CPS1: variants seen among roughly 807,000 people sequenced by gnomAD.
CPS1 encodes the protein carbamoyl-phosphate synthase [ammonia], mitochondrial.
A neutral mutation model predicts 174.6 loss-of-function variants in CPS1; 109 were observed. The observed-to-expected ratio is 0.62, with a 90% CI of 0.53 to 0.73. The LOEUF is 0.73. Among genes scored for constraint, CPS1 ranks in the 30% least tolerant of loss-of-function variants. The pLI, the probability that CPS1 is intolerant of heterozygous loss-of-function variation, is 0.00. For missense variants in CPS1, 1,689 were observed against 1,821.9 expected (o/e 0.93, Z 1.33); for synonymous variants, 637 against 632.0 (o/e 1.01, Z -0.12).
intron 11 of CPS1, chr2:210,593,671 C>T (rs755225564): frequency 1.1e-5 from 11 of 984,888 alleles, no homozygotes; most frequent in Admixed American, 6.2e-5. Flanking sequence ...GAAAAGACTT[C>T]GAGGTAAAAT....
chr2:210,557,859 T>C (rs1281908139), intron 1 of CPS1, among the ~76,000 whole-genome samples: 3 of 152,046 alleles, frequency 2.0e-5, no homozygotes, highest in Non-Finnish European at 4.4e-5. Context: ...ATTGTTTCAG[T>C]TGCTCAAGTC....
intron 1 of CPS1, among the ~76,000 whole-genome samples, chr2:210,527,976 C>T (rs1297334104): frequency 6.6e-6 from 1 of 151,768 alleles, no homozygotes; most frequent in Non-Finnish European, 1.5e-5. Context: ...CATAAGCTTG[C>T]ATTTATTGGT....
At chr2:210,537,878 G>T (rs979648369) in intron 1 of CPS1, among the ~76,000 whole-genome samples, 1 of 152,132 alleles carries the variant, frequency 6.6e-6, no homozygotes, top group East Asian at 1.9e-4. Flanking sequence ...GAACAACACT[G>T]TATTAGATAG....
At chr2:210,623,075 A>C (rs1000926067) in intron 21 of CPS1, among the ~76,000 whole-genome samples, 3 of 152,026 alleles carry the variant, frequency 2.0e-5, no homozygotes, top group Admixed American at 6.6e-5. Context: ...TACCATGTTA[A>C]ATCATCAAAG....
intron 21 of CPS1, among the ~76,000 whole-genome samples, chr2:210,628,969 GT>G (rs1251600942): frequency 6.6e-6 from 1 of 152,106 alleles, no homozygotes; most frequent in Admixed American, 6.5e-5. Flanking sequence ...TGATGGAGAT[GT>G]TTTAAAATAT....
At chr2:210,592,780 G>C in intron 10 of CPS1, 99 bp from the exon 11 acceptor site, 2 of 1,214,016 alleles carry the variant, frequency 1.6e-6, no homozygotes, top group East Asian at 2.3e-5. Flanking sequence ...ATCTAACTCA[G>C]TTTTTAAATT....
intron 18 of CPS1, 135 bp downstream of exon 18, chr2:210,607,076 T>A (rs1698940897): frequency 2.6e-6 from 2 of 757,740 alleles, no homozygotes; most frequent in East Asian, 2.7e-5. Context: ...AAATCATTTA[T>A]AGCACCCTGA....
chr2:210,566,750 C>T (rs1697315441), intron 1 of CPS1, among the ~76,000 whole-genome samples: 1 of 152,020 alleles, frequency 6.6e-6, no homozygotes, highest in Non-Finnish European at 1.5e-5. Flanking sequence ...TTCAATATTA[C>T]CTACATCATT....
At chr2:210,494,124 C>G (rs1422742057) in intron 1 of CPS1, among the ~76,000 whole-genome samples, 1 of 152,150 alleles carries the variant, frequency 6.6e-6, no homozygotes, top group Non-Finnish European at 1.5e-5. Context: ...GCATCTGCTG[C>G]TATCATGCAG....
At chr2:210,491,415 G>A (rs773943185) in intron 1 of CPS1, among the ~76,000 whole-genome samples, 2 of 137,896 alleles carry the variant, frequency 1.5e-5, no homozygotes, top group Non-Finnish European at 1.5e-5. Context: ...CCCGGTTCAA[G>A]TGATTCTCCT....
chr2:210,560,015 G>A (rs1697046958), intron 1 of CPS1, among the ~76,000 whole-genome samples: 1 of 152,076 alleles, frequency 6.6e-6, no homozygotes, highest in Non-Finnish European at 1.5e-5. Flanking sequence ...TGGACTACAA[G>A]TTGTTGCAAT....
chr2:210,594,738 T>C, intron 12 of CPS1, 132 bp downstream of exon 12: 1 of 693,856 alleles, frequency 1.4e-6, no homozygotes, highest in Admixed American at 2.2e-5. Context: ...TAATAGACTG[T>C]CATTTTGTAA....
intron 34 of CPS1, among the ~76,000 whole-genome samples, chr2:210,670,994 AGGT>A (rs1701282903): frequency 6.6e-6 from 1 of 152,208 alleles, no homozygotes; most frequent in Non-Finnish European, 1.5e-5. Context: ...GGCATAACAC[AGGT>A]TTATATGGCA....
At chr2:210,631,645 G>A (rs551470601) in intron 21 of CPS1, among the ~76,000 whole-genome samples, 12 of 152,296 alleles carry the variant, frequency 7.9e-5, no homozygotes, top group Admixed American at 5.9e-4. Context: ...GAAAAGGCCA[G>A]CATCACAGCC....
At chr2:210,615,085 T>C (rs1361715212) in intron 20 of CPS1, among the ~76,000 whole-genome samples, 1 of 151,914 alleles carries the variant, frequency 6.6e-6, no homozygotes, top group Admixed American at 6.6e-5. Flanking sequence ...CTTTCCTTCC[T>C]TCCAGTGAAA....
At chr2:210,515,754 T>A (rs1260374496) in intron 1 of CPS1, among the ~76,000 whole-genome samples, 1 of 151,914 alleles carries the variant, frequency 6.6e-6, no homozygotes, top group Non-Finnish European at 1.5e-5. Flanking sequence ...GGGGTTAGTT[T>A]ATTTACCTTT....
intron 29 of CPS1, among the ~76,000 whole-genome samples, chr2:210,654,686 C>G (rs1700655321): frequency 6.6e-6 from 1 of 152,144 alleles, no homozygotes; most frequent in Admixed American, 6.5e-5. Flanking sequence ...ATTAATAATG[C>G]ATTTGTGACT....
At chr2:210,502,355 A>G (rs914797081) in intron 1 of CPS1, among the ~76,000 whole-genome samples, 4 of 116,912 alleles carry the variant, frequency 3.4e-5, no homozygotes, top group African/African-American at 1.1e-4. Flanking sequence ...GGAAAAAATA[A>G]TCTCTCTCTC....
At chr2:210,511,307 T>C (rs1042658742) in intron 1 of CPS1, among the ~76,000 whole-genome samples, 10 of 151,910 alleles carry the variant, frequency 6.6e-5, no homozygotes, top group Admixed American at 1.3e-4. Flanking sequence ...CGCATGTTCT[T>C]ACTCATAGGT....
Sources: allele counts gnomAD v4.1 joint callset (sites outside exome capture counted in the v4.1 genomes callset), GRCh38; gene constraint gnomAD v4.1.1; transcripts MANE v1.5; gene names NCBI Gene and HGNC (gene_info 2026-07-23, HGNC 2026-07-21).